The following DNAH6 variants were observed in gnomAD, a reference collection of about 807,000 sequenced individuals.
DNAH6 encodes the protein axonemal beta dynein heavy chain 6.
Under a neutral mutation model 491.4 loss-of-function variants are expected in DNAH6, and 340 were observed. The ratio of observed to expected loss-of-function variants is 0.69; its 90% CI spans 0.63 to 0.76. The LOEUF is 0.76. DNAH6 is among the 30% of genes least tolerant of loss of function. The probability of loss-of-function intolerance (pLI) is 0.00; values close to 1 mark genes in which losing one functional copy is unlikely to be tolerated. For missense variants in DNAH6, 4,443 were observed against 4,972.2 expected, an observed-to-expected ratio of 0.89 and a Z score of 3.20; for synonymous variants, 1,603 against 1,686.1, an observed-to-expected ratio of 0.95 and a Z score of 1.21.
intron 68 of DNAH6, among the ~76,000 whole-genome samples, chr2:84,792,341 T>G (rs998130755): frequency 2.0e-5 from 3 of 152,238 alleles, no homozygotes; most frequent in African/African-American, 7.2e-5. Flanking sequence ...TATTTTGTAC[T>G]TTAAATTAAT....
At chr2:84,646,749 A>G (rs1460447952) in intron 33 of DNAH6, among the ~76,000 whole-genome samples, 1 of 152,218 alleles carries the variant, frequency 6.6e-6, no homozygotes. Context: ...TGCAGAAGAA[A>G]AGTTCAAAGC....
the DNAH6 span, among the ~76,000 whole-genome samples, chr2:84,505,789 A>G: frequency 1.3e-5 from 2 of 151,974 alleles, no homozygotes; most frequent in Non-Finnish European, 2.9e-5. Flanking sequence ...ATTCCCACCT[A>G]TGAGTTAGAA....
chr2:84,706,810 TA>T, intron 52 of DNAH6, 85 bp from the exon 53 acceptor site: 1 of 1,439,302 alleles, frequency 6.9e-7, no homozygotes, highest in Non-Finnish European at 9.1e-7. Context: ...GGAACATATA[TA>T]AAATTTTTTT....
At chr2:84,538,436 G>T (rs537544212) in intron 4 of DNAH6, among the ~76,000 whole-genome samples, 2 of 152,290 alleles carry the variant, frequency 1.3e-5, no homozygotes, top group Admixed American at 6.6e-5. Flanking sequence ...GCAATGTCAA[G>T]TTTAAAGCTA....
At chr2:84,718,063 G>A (rs1697721378) in intron 58 of DNAH6, 141 bp from the exon 59 acceptor site, 2 of 597,348 alleles carry the variant, frequency 3.3e-6, no homozygotes, top group South Asian at 6.3e-5. Context: ...GACATGGTGT[G>A]CATTCAGATA....
chr2:84,677,264 G>A (rs1481751080), intron 41 of DNAH6, 128 bp downstream of exon 41: 5 of 1,276,356 alleles, frequency 3.9e-6, no homozygotes, highest in Non-Finnish European at 5.4e-6. Flanking sequence ...TGAGCAGGAA[G>A]CAGGTAAATA....
chr2:84,739,480 T>A (rs1266902321), intron 62 of DNAH6, among the ~76,000 whole-genome samples: 1 of 152,232 alleles, frequency 6.6e-6, no homozygotes. Flanking sequence ...CTCTCATGAA[T>A]GCCAGTAAGT....
the DNAH6 span, among the ~76,000 whole-genome samples, chr2:84,510,473 G>A: frequency 1.3e-5 from 2 of 151,952 alleles, no homozygotes; most frequent in East Asian, 1.9e-4. Flanking sequence ...TTAGCCATTC[G>A]TGTAATTTTT....
chr2:84,808,483 T>C lies in DNAH6; in HGVS notation c.11680T>C (p.Leu3894=), dbSNP rs1000192030. 2.6e-6 allele frequency: 4 copies of C among 1,551,634 alleles called. No homozygotes were observed. The highest frequency in any genetic ancestry group is 3.5e-6 in the Non-Finnish European group (4 of 1,146,944). ...VKDLQGRLNS[L]TTVLGQEVDR... is the part of the protein sequence containing the mutation. ...GGATCTTCAAGGACGTCTGAACTCC[T>C]TGACCACCGTTCTTGGACAGGAAGT... The change falls in exon 72 of 77, where the codon TTG becomes CTG. Residue 3894 remains leucine, a synonymous_variant. Coordinates refer to ENST00000389394, the MANE Select transcript of DNAH6 (RefSeq NM_001370.2).
chr2:84,725,733 AT>A (rs1698564639), intron 60 of DNAH6, among the ~76,000 whole-genome samples: 1 of 152,192 alleles, frequency 6.6e-6, no homozygotes, highest in African/African-American at 2.4e-5. Flanking sequence ...TCCAAAACAT[AT>A]TTGTAGGTGA....
chr2:84,622,273 C>CTT (rs1247539562), intron 26 of DNAH6, among the ~76,000 whole-genome samples: 1 of 151,968 alleles, frequency 6.6e-6, no homozygotes, highest in Non-Finnish European at 1.5e-5. Context: ...ATGGGATTTC[C>CTT]TTTTTTTAAG....
chr2:84,796,240 A>C, intron 68 of DNAH6, 66 bp from the exon 69 acceptor site: 2 of 1,090,148 alleles, frequency 1.8e-6, no homozygotes, highest in Non-Finnish European at 2.5e-6. Context: ...TTAAAAATTT[A>C]AAATTAGGTA....
At chr2:84,471,666 T>TCC in the DNAH6 span, among the ~76,000 whole-genome samples, 211 of 152,272 alleles carry the variant, frequency 1.4e-3, 7 homozygotes, top group South Asian at 0.042. Flanking sequence ...CCCTCCAGTC[T>TCC]CCCGTTCCAT....
At chr2:84,645,514 T>A (rs758905758) in intron 33 of DNAH6, among the ~76,000 whole-genome samples, 3 of 149,704 alleles carry the variant, frequency 2.0e-5, no homozygotes, top group Non-Finnish European at 4.4e-5. Context: ...TCAGTAATGT[T>A]GAGCTTTTTT....
chr2:84,607,126 CAG>C (rs1553441627), intron 21 of DNAH6, 31 bp downstream of exon 21: 9 of 1,540,092 alleles, frequency 5.8e-6, no homozygotes, highest in Non-Finnish European at 7.9e-6. Flanking sequence ...TTCATACACT[CAG>C]AGAATTGGAG....
At chr2:84,779,382 A>T (rs1391795915) in intron 64 of DNAH6, among the ~76,000 whole-genome samples, 1 of 152,146 alleles carries the variant, frequency 6.6e-6, no homozygotes, top group Non-Finnish European at 1.5e-5. Context: ...TCAACCCATT[A>T]CCGTTATGTA....
chr2:84,617,057 C>A (rs1228675886), intron 23 of DNAH6, 75 bp downstream of exon 23: 6 of 794,268 alleles, frequency 7.6e-6, no homozygotes, highest in African/African-American at 7.5e-5. Context: ...TAATTATAAC[C>A]TCAAAGCATG....
chr2:84,777,073 C>T (rs193175238), intron 64 of DNAH6, among the ~76,000 whole-genome samples: 31 of 152,270 alleles, frequency 2.0e-4, no homozygotes, highest in African/African-American at 6.7e-4. Context: ...GGAAGGGAAA[C>T]ATCACATACT....
intron 24 of DNAH6, among the ~76,000 whole-genome samples, chr2:84,620,655 T>C (rs1687306219): frequency 6.6e-6 from 1 of 152,194 alleles, no homozygotes; most frequent in Non-Finnish European, 1.5e-5. Context: ...TTATTTGTTC[T>C]GAATTGATCC....
Sources: gnomAD v4.1 joint callset for allele counts (sites outside exome capture counted in the v4.1 genomes callset) on GRCh38, gnomAD v4.1.1 for gene constraint, MANE v1.5 for transcripts, NCBI Gene and HGNC (gene_info 2026-07-23, HGNC 2026-07-21) for gene names.